The following TMEM132D variants were observed in gnomAD, a reference collection of about 807,000 sequenced individuals.
TMEM132D encodes the protein mature OL transmembrane protein.
Under a neutral mutation model 62.3 loss-of-function variants are expected in TMEM132D, and 21 were observed. That is an observed-to-expected ratio of 0.34 (90% confidence interval 0.24 to 0.49). The LOEUF (loss-of-function observed/expected upper bound fraction) is 0.49, where lower values mean the gene tolerates loss of function less well. TMEM132D is among the 20% of genes least tolerant of loss of function. The probability of loss-of-function intolerance (pLI) is 0.99; values close to 1 mark genes in which losing one functional copy is unlikely to be tolerated. For missense variants in TMEM132D, 1,346 were observed against 1,402.8 expected (o/e 0.96, Z 0.65); for synonymous variants, 621 against 575.6 (o/e 1.08, Z -1.13).
chr12:129,701,270 T>C (rs1881379419), intron 1 of TMEM132D, among the ~76,000 whole-genome samples: 3 of 152,056 alleles, frequency 2.0e-5, no homozygotes, highest in African/African-American at 7.2e-5. Context: ...GGGGCAAAAA[T>C]AGACGCAGAT....
chr12:129,699,930 T>G lies in TMEM132D; in HGVS notation c.848A>C (p.Glu283Ala), dbSNP rs140913010. ...GGCCACGCTGTTGTCCAGACGCAGTTCTCTCAGGGAGGGTTTCCTGTGTGT... is the reference window on the plus strand; with the variant it reads ...GGCCACGCTGTTGTCCAGACGCAGTGCTCTCAGGGAGGGTTTCCTGTGTGT... ...YQTHRKPSLR[E>A]LRLDNSVAIH... The change falls in exon 2 of 9, where the codon GAA becomes GCA. Residue 283 changes from glutamate (E) to alanine (A), a missense_variant. Glu to Ala is a moderately radical substitution (Grantham distance 107, BLOSUM62 -1). Transcript: ENST00000422113. The G allele has an allele frequency of 3.1e-6, 5 of 1,613,996 alleles. No homozygotes were observed. The African/African-American group carries it at 6.7e-5, about 22-fold the overall frequency.
At chr12:129,434,299 A>G (rs1056302299) in intron 3 of TMEM132D, among the ~76,000 whole-genome samples, 1 of 152,214 alleles carries the variant, frequency 6.6e-6, no homozygotes, top group African/African-American at 2.4e-5. Flanking sequence ...ACATCAGGTA[A>G]CGGATGAGAA....
intron 4 of TMEM132D, among the ~76,000 whole-genome samples, chr12:129,321,956 CA>C (rs1244652592): frequency 1.3e-5 from 2 of 152,096 alleles, no homozygotes; most frequent in Non-Finnish European, 2.9e-5. Flanking sequence ...GCTGCATTGG[CA>C]CTGTATATTC....
At chr12:129,351,717 C>T (rs533377263) in intron 3 of TMEM132D, among the ~76,000 whole-genome samples, 13 of 152,278 alleles carry the variant, frequency 8.5e-5, no homozygotes, top group South Asian at 2.1e-4. Flanking sequence ...TTTTACTCAT[C>T]GTGCTTTGCT....
chr12:129,847,866 G>A (rs1319225839), intron 1 of TMEM132D, among the ~76,000 whole-genome samples: 1 of 152,022 alleles, frequency 6.6e-6, no homozygotes, highest in Non-Finnish European at 1.5e-5. Context: ...GTTGCCACGG[G>A]AGAAGCTCCC....
chr12:129,193,345 G>A (rs1315143832), intron 5 of TMEM132D, among the ~76,000 whole-genome samples: 3 of 141,064 alleles, frequency 2.1e-5, no homozygotes, highest in Non-Finnish European at 3.1e-5. Context: ...TTTTTTTTTT[G>A]TGGTCACAGA....
chr12:129,821,403 T>C (rs957178400), intron 1 of TMEM132D, among the ~76,000 whole-genome samples: 2 of 151,980 alleles, frequency 1.3e-5, no homozygotes, highest in Non-Finnish European at 2.9e-5. Context: ...TTTTAACAGG[T>C]GGCAAAGCTG....
chr12:129,452,207 G>A (rs558727675), intron 3 of TMEM132D, among the ~76,000 whole-genome samples: 11 of 152,310 alleles, frequency 7.2e-5, no homozygotes, highest in South Asian at 6.2e-4. Flanking sequence ...CTGAGAAAAG[G>A]GCAGTGCGTA....
In TMEM132D at chr12:129,075,157, C is replaced by T. The variant is rs138612253; in HGVS notation, c.2116-98G>A. ...ACACACAACGGCAAAACTATTGCTA[C>T]AAGAACAAAGACAAACCTTTCAAAC... is the stretch of plus-strand genomic sequence containing the variant. On this transcript the variant is annotated intron_variant, in intron 8 of 8. Coordinates refer to ENST00000422113, the MANE Select transcript of TMEM132D (RefSeq NM_133448.3). The T allele has an allele frequency of 1.7e-3, 1,643 of 952,880 alleles. 6 individuals are homozygous for T. Among genetic ancestry groups the T allele is most frequent in the Non-Finnish European group, 2.3e-3 (1,506 of 649,904 alleles). The allele number at this position is 952,880 out of a possible 1,614,324, so 59.0% of individuals were successfully genotyped here. A position where few individuals can be genotyped will look rare whatever the true frequency, so the allele number is the denominator to read the frequency against.
At chr12:129,445,930 G>C (rs1277821169) in intron 3 of TMEM132D, among the ~76,000 whole-genome samples, 1 of 152,174 alleles carries the variant, frequency 6.6e-6, no homozygotes, top group Non-Finnish European at 1.5e-5. Flanking sequence ...GTGCAGCAAA[G>C]TCCTCAGCGT....
chr12:129,276,406 A>G (rs1275948591), intron 4 of TMEM132D, among the ~76,000 whole-genome samples: 1 of 152,218 alleles, frequency 6.6e-6, no homozygotes, highest in Non-Finnish European at 1.5e-5. Flanking sequence ...TACAATAAAT[A>G]TATGAAAGAG....
intron 5 of TMEM132D, among the ~76,000 whole-genome samples, chr12:129,149,309 A>T (rs1425221282): frequency 1.3e-5 from 2 of 152,094 alleles, no homozygotes; most frequent in Non-Finnish European, 2.9e-5. Context: ...ACGGGTTGAT[A>T]GGTGCAGCAC....
intron 5 of TMEM132D, among the ~76,000 whole-genome samples, chr12:129,182,444 C>T (rs1230149910): frequency 6.6e-6 from 1 of 152,204 alleles, no homozygotes; most frequent in Non-Finnish European, 1.5e-5. Context: ...AAGTCTCAAA[C>T]CATTTGCACT....
At position 129,460,585 on chromosome 12, in the gene TMEM132D, C is replaced by T. The variant is rs573937323; in HGVS notation, c.1115+70474G>A. Among the ~76,000 whole-genome samples the T allele has an allele frequency of 7.2e-5, 11 of 152,234 alleles. No homozygotes were observed. The East Asian group carries it at 2.1e-3, about 29-fold the overall frequency. ...GCATGAGACTGCAGTAGATTAAATT[C>T]TCTAATGTATATAAATGAGTTCTAA... On this transcript the variant is annotated intron_variant, in intron 3 of 8. Transcript: ENST00000422113.
intron 3 of TMEM132D, among the ~76,000 whole-genome samples, chr12:129,501,025 G>A (rs1875125048): frequency 6.6e-6 from 1 of 152,118 alleles, no homozygotes; most frequent in Admixed American, 6.5e-5. Context: ...CTGTAAATGA[G>A]GATAAAGTTT....
chr12:129,749,623 A>AT (rs11404674), intron 1 of TMEM132D, among the ~76,000 whole-genome samples: 88,148 of 149,986 alleles, frequency 0.59, 26,298 homozygotes, highest in Non-Finnish European at 0.64. Flanking sequence ...TGCCCCACTA[A>AT]TTTTTTTTTG....
At chr12:129,250,076 T>C (rs1487042758) in intron 4 of TMEM132D, among the ~76,000 whole-genome samples, 1 of 151,994 alleles carries the variant, frequency 6.6e-6, no homozygotes, top group Non-Finnish European at 1.5e-5. Flanking sequence ...GTAGGCTGGG[T>C]GCCAGATGCC....
At chr12:129,514,110 A>G (rs955309522) in intron 3 of TMEM132D, among the ~76,000 whole-genome samples, 8 of 151,770 alleles carry the variant, frequency 5.3e-5, no homozygotes, top group African/African-American at 9.7e-5. Flanking sequence ...AAGTGCTGGG[A>G]TTACAGGCGT....
chr12:129,741,046 C>T (rs1379599973), intron 1 of TMEM132D, among the ~76,000 whole-genome samples: 4 of 152,154 alleles, frequency 2.6e-5, no homozygotes, highest in African/African-American at 4.8e-5. Context: ...AGCCAAAATG[C>T]CATCTCCTGA....
Sources: gnomAD v4.1 joint callset for allele counts (sites outside exome capture counted in the v4.1 genomes callset) on GRCh38, gnomAD v4.1.1 for gene constraint, MANE v1.5 for transcripts, NCBI Gene and HGNC (gene_info 2026-07-23, HGNC 2026-07-21) for gene names.